The following NISCH variants were observed in gnomAD, a reference collection of about 807,000 sequenced individuals.
NISCH encodes the protein I-1 receptor candidate protein.
In NISCH, 55 loss-of-function variants were observed where a neutral mutation model predicts 138.4. The observed-to-expected ratio is 0.40, with a 90% CI of 0.32 to 0.50. NISCH has a LOEUF of 0.50. Among genes scored for constraint, NISCH ranks in the 20% least tolerant of loss-of-function variants. The pLI is 0.71. For missense variants in NISCH, 1,643 were observed against 2,005.5 expected (o/e 0.82, Z 3.45); for synonymous variants, 860 against 861.5 (o/e 1.00, Z 0.03).
chr3:52,489,450 C>T lies in NISCH; in HGVS notation c.3228C>T (p.Ala1076=), dbSNP rs774924366. 6.2e-7 allele frequency: 1 copy of T among 1,601,238 alleles called. No individual in the cohort carries two copies. Among genetic ancestry groups the T allele is most frequent in the Non-Finnish European group, 8.6e-7 (1 of 1,169,164 alleles). Residue 1076 remains alanine, a synonymous_variant, in exon 17 of 21, where the codon GCC becomes GCT. Transcript: ENST00000345716. ...ASASGPAKTP[A]PAEASTSALV... The stretch of plus-strand genomic sequence containing the variant: ...CCTCAGGCCCAGCGAAGACTCCGGC[C>T]CCAGCAGAGGCCTCAACTTCAGCTT...
Position 52,490,739 on chromosome 3 carries a change from C to T in NISCH, c.3648C>T (p.Asn1216=). The change falls in exon 19 of 21, where the codon AAC becomes AAT. Residue 1216 remains asparagine, a synonymous_variant. Coordinates refer to ENST00000345716, the MANE Select transcript of NISCH (RefSeq NM_007184.4). Reference sequence around the variant, plus strand: ...ATCAGAAAAACACCGACTACAACAACAGCCCTTTCCACATCTCCCAGTGCT... The same window carrying T: ...ATCAGAAAAACACCGACTACAACAATAGCCCTTTCCACATCTCCCAGTGCT... The part of the protein sequence containing the change: ...FWHQKNTDYN[N]SPFHISQCFV... The T allele has an allele frequency of 6.2e-7, 1 of 1,614,218 alleles. No individual in the cohort carries two copies. The highest frequency in any genetic ancestry group is 8.5e-7 in the Non-Finnish European group (1 of 1,180,038).
Position 52,488,040 on chromosome 3 carries a change from G to C in NISCH, c.2548G>C (p.Glu850Gln). 2 of 1,612,622 alleles carry C rather than the reference G, an allele frequency of 1.2e-6. No homozygotes were observed. Among genetic ancestry groups the C allele is most frequent in the Non-Finnish European group, 1.7e-6 (2 of 1,179,886 alleles). ...TFYKVAGGCQERSQGCFPVYL... is the reference protein window; with the variant it reads ...TFYKVAGGCQQRSQGCFPVYL... ...CTACAAGGTGGCTGGCGGCTGCCAG[G>C]AGCGCAGCCAGGGCTGCTTCCCCGT... The change falls in exon 16 of 21, where the codon GAG (glutamate) becomes CAG (glutamine). Residue 850 changes from glutamate to glutamine, a missense_variant. Physicochemically the swap from Glu to Gln is conservative, Grantham distance 29. Transcript: ENST00000345716.
chr3:52,488,482 T>C lies in NISCH; in HGVS notation c.2990T>C (p.Val997Ala). The C allele has an allele frequency of 1.9e-6, 3 of 1,613,398 alleles. No individual in the cohort carries two copies. Among genetic ancestry groups the C allele is most frequent in the Non-Finnish European group, 2.5e-6 (3 of 1,179,988 alleles). Residue 997 changes from valine (V) to alanine (A), a missense_variant, in exon 16 of 21, where the codon GTC becomes GCC. Physicochemically the swap from Val to Ala is moderately conservative, Grantham distance 64. Coordinates refer to ENST00000345716, the MANE Select transcript of NISCH (RefSeq NM_007184.4). The stretch of plus-strand genomic sequence containing the variant: ...CACGAGAAGTTCCACTTCCTGCGCG[T>C]CTACAACCAGCTGCGGGCCTCGCTG... ...LPHEKFHFLR[V>A]YNQLRASLQD...
chr3:52,472,643 C>T (rs1276809033), intron 6 of NISCH, among the ~76,000 whole-genome samples: 1 of 152,202 alleles, frequency 6.6e-6, no homozygotes, highest in Non-Finnish European at 1.5e-5. Context: ...GGGTGGAGCA[C>T]CAGCACCTGG....
chr3:52,477,443 G>T (rs943170446), intron 8 of NISCH, 131 bp from the exon 9 acceptor site: 62 of 709,874 alleles, frequency 8.7e-5, no homozygotes, highest in Non-Finnish European at 1.4e-4. Context: ...CCCACCAGTG[G>T]TCCTGCAGGG....
At chr3:52,464,123 G>A (rs548774760) in intron 3 of NISCH, among the ~76,000 whole-genome samples, 11 of 151,904 alleles carry the variant, frequency 7.2e-5, no homozygotes, top group Admixed American at 3.3e-4. Flanking sequence ...TGGGCCGGGC[G>A]CGGGTGGCTC....
At chr3:52,458,608 AC>A (rs1194812452) in intron 2 of NISCH, 53 bp from the exon 3 acceptor site, 1 of 1,513,870 alleles carries the variant, frequency 6.6e-7, no homozygotes, top group Non-Finnish European at 9.0e-7. Context: ...CCTTGGTCTT[AC>A]ATAGGCACAG....
At chr3:52,482,374 A>G (rs1175580217) in intron 13 of NISCH, among the ~76,000 whole-genome samples, 4 of 152,178 alleles carry the variant, frequency 2.6e-5, no homozygotes, top group Non-Finnish European at 5.9e-5. Context: ...GGAGCCATGG[A>G]TGATTGTGAC....
Position 52,487,839 on chromosome 3 carries a change from A to G in NISCH, c.2347A>G (p.Lys783Glu), listed in dbSNP as rs2153231750. ...FLMPELCLVL[K>E]VRHSENTLFI... ...CATGCCGGAGCTGTGTCTGGTGCTC[A>G]AGGTACGGCACAGTGAGAACACGCT... The change falls in exon 16 of 21, where the codon AAG becomes GAG. Residue 783 changes from lysine (K) to glutamate (E), a missense_variant. Lys to Glu is a moderately conservative substitution (Grantham distance 56). Transcript: ENST00000345716. The surrounding 1 kb of genome is among the most constrained non-coding windows in gnomAD (Gnocchi z 9.1). 6.2e-7 allele frequency: 1 copy of G among 1,612,172 alleles called. No homozygotes were observed. Among genetic ancestry groups the G allele is most frequent in the Non-Finnish European group, 8.5e-7 (1 of 1,179,694 alleles).
chr3:52,471,972 C>G lies in NISCH; in HGVS notation c.568C>G (p.Leu190Val), dbSNP rs774265575. 6.3e-7 allele frequency: 1 copy of G among 1,585,552 alleles called. No homozygotes were observed. Among genetic ancestry groups the G allele is most frequent in the Non-Finnish European group, 8.6e-7 (1 of 1,162,290 alleles). The change falls in exon 5 of 21, where the codon CTT becomes GTT. Residue 190 changes from leucine (L) to valine (V), a missense_variant. Coordinates refer to ENST00000345716, the MANE Select transcript of NISCH (RefSeq NM_007184.4). Reference protein sequence around the residue: ...ILDFTCRLKYLKVSGTEGPFG... With the variant: ...ILDFTCRLKYVKVSGTEGPFG... ...GGACTTCACCTGTCGCCTTAAGTAC[C>G]TTAAGGTAAAGCTGCAGCAGCTCAG...
intron 14 of NISCH, among the ~76,000 whole-genome samples, chr3:52,485,393 T>C (rs527841017): frequency 1.4e-4 from 21 of 152,260 alleles, no homozygotes; most frequent in Admixed American, 7.2e-4. Context: ...ACAGAGACCA[T>C]TGGGAGGGAC....
chr3:52,481,740 G>T, intron 13 of NISCH: 2 of 985,552 alleles, frequency 2.0e-6, no homozygotes, highest in South Asian at 9.4e-5. Flanking sequence ...GCTGCAGGCA[G>T]CCCCCCACAT....
intron 6 of NISCH, among the ~76,000 whole-genome samples, chr3:52,473,114 C>A (rs1706998112): frequency 6.6e-6 from 1 of 152,340 alleles, no homozygotes; most frequent in East Asian, 1.9e-4. Flanking sequence ...TTGAATTCAG[C>A]TGAGACTGCC....
At chr3:52,459,500 C>A (rs970642346) in intron 3 of NISCH, among the ~76,000 whole-genome samples, 5 of 152,214 alleles carry the variant, frequency 3.3e-5, no homozygotes, top group African/African-American at 1.2e-4. Flanking sequence ...GTGGTGCGAT[C>A]TCGGCTCACT....
At chr3:52,476,149 A>G (rs543023239) in intron 7 of NISCH, 20 of 339,090 alleles carry the variant, frequency 5.9e-5, no homozygotes, top group Non-Finnish European at 1.1e-4. Context: ...AAAAAGAGAA[A>G]AGGCTAGAAA....
Position 52,487,859 on chromosome 3 carries a change from C to T in NISCH, c.2367C>T (p.Asn789=), listed in dbSNP as rs1372011043. Residue 789 remains asparagine, a synonymous_variant, in exon 16 of 21, where the codon AAC becomes AAT. Coordinates refer to ENST00000345716, the MANE Select transcript of NISCH (RefSeq NM_007184.4). The surrounding 1 kb of genome is among the most constrained non-coding windows in gnomAD (Gnocchi z 9.1). The stretch of plus-strand genomic sequence containing the variant: ...TGCTCAAGGTACGGCACAGTGAGAA[C>T]ACGCTCTTCATTATCTCGGACGCCG... ...CLVLKVRHSE[N]TLFIISDAAN... 3 of 1,612,720 alleles carry T rather than the reference C, an allele frequency of 1.9e-6. No individual in the cohort carries two copies. Among genetic ancestry groups the T allele is most frequent in the Non-Finnish European group, 2.5e-6 (3 of 1,179,892 alleles).
intron 3 of NISCH, among the ~76,000 whole-genome samples, chr3:52,466,069 C>A (rs1343570826): frequency 6.6e-6 from 1 of 152,200 alleles, no homozygotes; most frequent in Non-Finnish European, 1.5e-5. Flanking sequence ...CTTTAGCATC[C>A]AATTTATTTC....
At chr3:52,456,050 C>G (rs1431388160) in intron 1 of NISCH, among the ~76,000 whole-genome samples, 2 of 152,050 alleles carry the variant, frequency 1.3e-5, no homozygotes, top group East Asian at 1.9e-4. Context: ...CGGAACCCCT[C>G]TAGATCCTCT....
At chr3:52,489,950 A>G in intron 17 of NISCH, 125 bp from the exon 18 acceptor site, 3 of 1,359,520 alleles carry the variant, frequency 2.2e-6, no homozygotes, top group Non-Finnish European at 3.0e-6. Context: ...TCTGCCTTGA[A>G]GCATACGGAT....
Sources: allele counts gnomAD v4.1 joint callset (sites outside exome capture counted in the v4.1 genomes callset), GRCh38; gene constraint gnomAD v4.1.1; non-coding constraint Gnocchi (gnomAD v3.1); transcripts MANE v1.5; gene names NCBI Gene and HGNC (gene_info 2026-07-23, HGNC 2026-07-21).